AGMO: variants seen among roughly 807,000 people sequenced by gnomAD.
AGMO encodes the protein glyceryl-ether monooxygenase.
In AGMO, 75 loss-of-function variants were observed where a neutral mutation model predicts 60.2. The ratio of observed to expected loss-of-function variants is 1.25; its 90% CI spans 1.03 to 1.51. The LOEUF is 1.51. Among genes scored for constraint, AGMO ranks in the 40% most tolerant of loss-of-function variants. The pLI, the probability that AGMO is intolerant of heterozygous loss-of-function variation, is 0.00. For missense variants in AGMO, 763 were observed against 525.5 expected, an observed-to-expected ratio of 1.45 and a Z score of -4.42; for synonymous variants, 261 against 177.1, an observed-to-expected ratio of 1.47 and a Z score of -3.76.
intron 3 of AGMO, among the ~76,000 whole-genome samples, chr7:15,476,674 T>C (rs1200494292): frequency 6.6e-6 from 1 of 152,126 alleles, no homozygotes; most frequent in Non-Finnish European, 1.5e-5. Context: ...TGAGCCCTTT[T>C]CCTTCTATCA....
chr7:15,533,211 G>C (rs1784411373), intron 3 of AGMO, among the ~76,000 whole-genome samples: 1 of 151,976 alleles, frequency 6.6e-6, no homozygotes, highest in African/African-American at 2.4e-5. Context: ...CCATTCCAAA[G>C]AGTTCCTGTT....
chr7:15,438,472 G>A (rs77545651), intron 3 of AGMO, among the ~76,000 whole-genome samples: 16,491 of 152,092 alleles, frequency 0.11, 957 homozygotes, highest in South Asian at 0.15. Flanking sequence ...TTTTCATGTT[G>A]CATATTAACA....
chr7:15,375,577 A>G (rs1783419324), intron 10 of AGMO, among the ~76,000 whole-genome samples: 1 of 151,832 alleles, frequency 6.6e-6, no homozygotes, highest in Non-Finnish European at 1.5e-5. Flanking sequence ...TTGTATTTTT[A>G]GCAGAGGCGG....
intron 2 of AGMO, among the ~76,000 whole-genome samples, chr7:15,547,370 G>A (rs1784810185): frequency 6.6e-6 from 1 of 152,026 alleles, no homozygotes; most frequent in African/African-American, 2.4e-5. Flanking sequence ...GAGCGACGCA[G>A]AAGACGGGTG....
chr7:15,374,051 T>C (rs934260343), intron 10 of AGMO, among the ~76,000 whole-genome samples: 3 of 152,166 alleles, frequency 2.0e-5, no homozygotes, highest in Admixed American at 1.3e-4. Context: ...ACTGTGAGCT[T>C]GCGGATTTGT....
chr7:15,386,055 C>G (rs1040839870), intron 9 of AGMO, among the ~76,000 whole-genome samples: 1 of 152,026 alleles, frequency 6.6e-6, no homozygotes, highest in Non-Finnish European at 1.5e-5. Context: ...GTGGCACACA[C>G]CTGTAATCCC....
chr7:15,350,669 G>GA (rs1209824944), intron 12 of AGMO, among the ~76,000 whole-genome samples: 24 of 152,268 alleles, frequency 1.6e-4, no homozygotes, highest in African/African-American at 5.8e-4. Context: ...CGCATTTAGG[G>GA]AAAGCTGGCA....
At chr7:15,275,418 C>T (rs371869044) in intron 12 of AGMO, among the ~76,000 whole-genome samples, 1 of 152,062 alleles carries the variant, frequency 6.6e-6, no homozygotes. Context: ...GATATAATTT[C>T]AGTTTTTTTA....
chr7:15,187,949 C>G, the AGMO span, among the ~76,000 whole-genome samples: 1 of 152,102 alleles, frequency 6.6e-6, no homozygotes, highest in African/African-American at 2.4e-5. Flanking sequence ...CAGCATCTAG[C>G]TTTAAATCTT....
At chr7:15,396,090 G>C (rs915569676) in intron 5 of AGMO, 1 of 152,154 alleles carries the variant, frequency 6.6e-6, no homozygotes, top group African/African-American at 2.4e-5. Flanking sequence ...AGCTGCTAAG[G>C]GATTTCCACT....
rs982066722 is a variant in AGMO at position 15,430,606 on chromosome 7, A to T, written c.513+399T>A. On this transcript the variant is annotated intron_variant, in intron 4 of 12. Coordinates refer to ENST00000342526, the MANE Select transcript of AGMO (RefSeq NM_001004320.2). ...TTAGAGAATTAGTTGTTTTTTTTAAAAAAAAAAAACAACTGGTTTTTTTTA... is the reference window on the plus strand; with the variant it reads ...TTAGAGAATTAGTTGTTTTTTTTAATAAAAAAAAACAACTGGTTTTTTTTA... Among the ~76,000 whole-genome samples the T allele has an allele frequency of 8.3e-3, 1,150 of 138,242 alleles. 6 individuals are homozygous for T. The highest frequency in any genetic ancestry group is 0.013 in the Non-Finnish European group (807 of 63,216). 90.7% of individuals were successfully genotyped at this position (138,242 alleles called of 152,430 possible).
chr7:15,240,618 A>C (rs1469419345), intron 12 of AGMO, among the ~76,000 whole-genome samples: 1 of 152,192 alleles, frequency 6.6e-6, no homozygotes, highest in Non-Finnish European at 1.5e-5. Context: ...ATGTTATATA[A>C]AACAAATACT....
intron 3 of AGMO, among the ~76,000 whole-genome samples, chr7:15,439,860 T>C (rs1365892146): frequency 6.6e-6 from 1 of 152,180 alleles, no homozygotes; most frequent in Non-Finnish European, 1.5e-5. Context: ...TTTTGAACTT[T>C]ACCAGGAGCT....
chr7:15,443,076 A>C (rs1781603700), intron 3 of AGMO, among the ~76,000 whole-genome samples: 1 of 152,076 alleles, frequency 6.6e-6, no homozygotes, highest in Non-Finnish European at 1.5e-5. Context: ...AGCTACTTCC[A>C]CTCAATAAAA....
intron 2 of AGMO, among the ~76,000 whole-genome samples, chr7:15,555,619 A>G (rs1299427463): frequency 6.6e-6 from 1 of 151,948 alleles, no homozygotes. Flanking sequence ...CTTAACAGCA[A>G]CCATAAAACC....
the AGMO span, among the ~76,000 whole-genome samples, chr7:15,137,127 T>C: frequency 6.6e-6 from 1 of 152,208 alleles, no homozygotes; most frequent in African/African-American, 2.4e-5. Context: ...CAAAATTATT[T>C]TATCTTAGAA....
At chr7:15,267,139 C>T (rs1783455521) in intron 12 of AGMO, among the ~76,000 whole-genome samples, 1 of 151,934 alleles carries the variant, frequency 6.6e-6, no homozygotes, top group Non-Finnish European at 1.5e-5. Context: ...GGGGAAATCC[C>T]TTGTGACTTA....
intron 3 of AGMO, among the ~76,000 whole-genome samples, chr7:15,484,276 A>G (rs1008872158): frequency 5.9e-5 from 9 of 152,198 alleles, no homozygotes; most frequent in African/African-American, 1.9e-4. Context: ...ATCATCAGCT[A>G]TACTCATTGA....
chr7:15,503,077 T>C (rs1233313200), intron 3 of AGMO, among the ~76,000 whole-genome samples: 1 of 152,066 alleles, frequency 6.6e-6, no homozygotes, highest in African/African-American at 2.4e-5. Context: ...AGAGACAAAC[T>C]GACCCACCAC....
Sources: gnomAD v4.1 joint callset for allele counts (sites outside exome capture counted in the v4.1 genomes callset) on GRCh38, gnomAD v4.1.1 for gene constraint, MANE v1.5 for transcripts, NCBI Gene and HGNC (gene_info 2026-07-23, HGNC 2026-07-21) for gene names.